Variants in KCTD8 observed in about 807,000 individuals in gnomAD.
KCTD8 encodes BTB/POZ domain-containing protein KCTD8.
Under a neutral mutation model 31.5 loss-of-function variants are expected in KCTD8, and 27 were observed. That is an observed-to-expected ratio of 0.86 (90% CI 0.63 to 1.18). The LOEUF (loss-of-function observed/expected upper bound fraction) is 1.18. Ranked by LOEUF, KCTD8 falls within the 50% of genes most tolerant of loss-of-function variation. The pLI is 0.00. For synonymous variants in KCTD8, 290 were observed against 280.0 expected, an observed-to-expected ratio of 1.04 and a Z score of -0.36; for missense variants, 658 against 647.7, an observed-to-expected ratio of 1.02 and a Z score of -0.17.
At chr4:44,246,082 C>T (rs1715657606) in intron 1 of KCTD8, among the ~76,000 whole-genome samples, 3 of 151,966 alleles carry the variant, frequency 2.0e-5, no homozygotes. Flanking sequence ...ATAACAGATT[C>T]CAATATGTAA....
chr4:44,418,414 T>C (rs780268066), intron 1 of KCTD8, among the ~76,000 whole-genome samples: 6 of 152,162 alleles, frequency 3.9e-5, no homozygotes, highest in East Asian at 1.9e-4. Context: ...AGCTGTAATA[T>C]TGTCCATTCA....
chr4:44,230,955 A>G (rs1010106245), intron 1 of KCTD8, among the ~76,000 whole-genome samples: 2 of 152,160 alleles, frequency 1.3e-5, no homozygotes. Flanking sequence ...TCTGTGCTGG[A>G]CAGTTCCAAG....
intron 1 of KCTD8, among the ~76,000 whole-genome samples, chr4:44,403,207 G>C (rs933319640): frequency 6.6e-6 from 1 of 151,922 alleles, no homozygotes; most frequent in Non-Finnish European, 1.5e-5. Context: ...AATAGAATTT[G>C]TCAAAATTAC....
At chr4:44,427,657 C>T (rs567387697) in intron 1 of KCTD8, among the ~76,000 whole-genome samples, 1 of 151,604 alleles carries the variant, frequency 6.6e-6, no homozygotes, top group African/African-American at 2.4e-5. Context: ...AAAGAATGCA[C>T]AAAACCACAC....
chr4:44,424,262 G>A (rs1721292709), intron 1 of KCTD8, among the ~76,000 whole-genome samples: 1 of 151,940 alleles, frequency 6.6e-6, no homozygotes, highest in South Asian at 2.1e-4. Flanking sequence ...ACTTCCTCTG[G>A]TCATTCAGCA....
At position 44,366,169 on chromosome 4, in the gene KCTD8, C is replaced by A. The variant is rs549713874; in HGVS notation, c.961+81394G>T. ...AGAATGTACGACTAGAAAAAAAAATCATTAAAACAAGTACCCAAGCAAACA... is the reference window on the plus strand; with the variant it reads ...AGAATGTACGACTAGAAAAAAAAATAATTAAAACAAGTACCCAAGCAAACA... On this transcript the variant is annotated intron_variant, in intron 1 of 1. Transcript: ENST00000360029. 1.5e-3 allele frequency among the ~76,000 whole-genome samples: 235 copies of A among 152,150 alleles called. 1 individual carries two copies. Among genetic ancestry groups the A allele is most frequent in the Non-Finnish European group, 1.2e-3 (83 of 67,998 alleles).
Position 44,448,579 on chromosome 4 carries a change from A to G in KCTD8, c.-56T>C. The stretch of plus-strand genomic sequence containing the variant: ...GAGAGCTGCACTTTCTCGTTCCCGG[A>G]GCCCGCGCCCCAGCCCTCCGCGTGC... On this transcript the variant is annotated 5_prime_UTR_variant, in exon 1 of 2. Coordinates refer to ENST00000360029, the MANE Select transcript of KCTD8 (RefSeq NM_198353.3). The surrounding 1 kb of genome is among the most constrained non-coding windows in gnomAD (Gnocchi z 4.1). 7.2e-7 allele frequency: 1 copy of G among 1,383,934 alleles called. No individual in the cohort carries two copies. Among genetic ancestry groups the G allele is most frequent in the Non-Finnish European group, 9.3e-7 (1 of 1,073,212 alleles). The allele number at this position is 1,383,934 out of a possible 1,614,324, so 85.7% of individuals were successfully genotyped here.
At chr4:44,229,701 T>TA (rs1715062632) in intron 1 of KCTD8, among the ~76,000 whole-genome samples, 1 of 152,118 alleles carries the variant, frequency 6.6e-6, no homozygotes, top group African/African-American at 2.4e-5. Flanking sequence ...AAAGCCTTTT[T>TA]TTTTCTTCTT....
At chr4:44,366,389 G>A (rs1719637011) in intron 1 of KCTD8, among the ~76,000 whole-genome samples, 1 of 152,142 alleles carries the variant, frequency 6.6e-6, no homozygotes, top group Non-Finnish European at 1.5e-5. Context: ...GTTCTCACAA[G>A]ATCTGATACT....
At chr4:44,258,983 T>G (rs1430082508) in intron 1 of KCTD8, among the ~76,000 whole-genome samples, 2 of 151,970 alleles carry the variant, frequency 1.3e-5, no homozygotes, top group Non-Finnish European at 2.9e-5. Flanking sequence ...CATTCATCAA[T>G]GTTAACTGTT....
At chr4:44,310,610 T>C (rs1306419335) in intron 1 of KCTD8, among the ~76,000 whole-genome samples, 5 of 152,102 alleles carry the variant, frequency 3.3e-5, no homozygotes, top group Admixed American at 3.3e-4. Context: ...GTTTCAAAGT[T>C]AGCAGTCTTG....
chr4:44,436,054 C>T (rs1721635090), intron 1 of KCTD8, among the ~76,000 whole-genome samples: 1 of 152,062 alleles, frequency 6.6e-6, no homozygotes, highest in South Asian at 2.1e-4. Flanking sequence ...TTCAATCATA[C>T]AACTATCAAA....
At chr4:44,351,934 A>G (rs979406641) in intron 1 of KCTD8, among the ~76,000 whole-genome samples, 2 of 152,128 alleles carry the variant, frequency 1.3e-5, no homozygotes, top group East Asian at 3.8e-4. Context: ...CAGTCTAAAA[A>G]GAATAAAACA....
chr4:44,208,405 C>G (rs1282137381), intron 1 of KCTD8, among the ~76,000 whole-genome samples: 1 of 152,198 alleles, frequency 6.6e-6, no homozygotes, highest in Non-Finnish European at 1.5e-5. Flanking sequence ...GCAGCACCCT[C>G]AGACTGCATC....
intron 1 of KCTD8, among the ~76,000 whole-genome samples, chr4:44,209,965 A>C (rs942149347): frequency 6.6e-6 from 1 of 152,172 alleles, no homozygotes; most frequent in Admixed American, 6.5e-5. Context: ...TGACTAAATA[A>C]CTTTTTGAGT....
chr4:44,257,107 A>G (rs1716013331), intron 1 of KCTD8, among the ~76,000 whole-genome samples: 1 of 152,016 alleles, frequency 6.6e-6, no homozygotes, highest in Non-Finnish European at 1.5e-5. Flanking sequence ...GGAAGATTAG[A>G]GCCTGTAAGG....
intron 1 of KCTD8, among the ~76,000 whole-genome samples, chr4:44,195,077 C>T (rs1436541267): frequency 6.6e-6 from 1 of 151,382 alleles, no homozygotes; most frequent in African/African-American, 2.4e-5. Flanking sequence ...GGGGTTTCAC[C>T]ATGTTGGTCA....
intron 1 of KCTD8, among the ~76,000 whole-genome samples, chr4:44,303,093 T>G (rs978712514): frequency 1.1e-4 from 17 of 152,132 alleles, no homozygotes; most frequent in Non-Finnish European, 1.0e-4. Context: ...TGGATAAGCT[T>G]TTTGATGTGC....
intron 1 of KCTD8, among the ~76,000 whole-genome samples, chr4:44,401,238 A>G (rs1274287284): frequency 6.6e-6 from 1 of 152,086 alleles, no homozygotes; most frequent in African/African-American, 2.4e-5. Flanking sequence ...AAGGGTTTCA[A>G]GCAAGACTTC....
Sources: allele counts gnomAD v4.1 joint callset (sites outside exome capture counted in the v4.1 genomes callset), GRCh38; gene constraint gnomAD v4.1.1; non-coding constraint Gnocchi (gnomAD v3.1); transcripts MANE v1.5; gene names NCBI Gene and HGNC (gene_info 2026-07-23, HGNC 2026-07-21).